SLC68A1: variants seen among roughly 807,000 people sequenced by gnomAD.
The protein encoded by SLC68A1 is solute carrier family 68 member 1.
the SLC68A1 span, chr10:102,476,119 C>G: frequency 1.9e-5 from 25 of 1,330,958 alleles, 1 homozygote; most frequent in Non-Finnish European, 2.3e-5. Flanking sequence ...AAAAATGGAT[C>G]TGTTGCAGTG....
the SLC68A1 span, among the ~76,000 whole-genome samples, chr10:102,475,025 C>A: frequency 1.4e-5 from 1 of 72,822 alleles, no homozygotes. Flanking sequence ...GGTGAGGTGG[C>A]TCACACCTGT....
chr10:102,469,971 C>G, the SLC68A1 span: 2 of 1,611,894 alleles, frequency 1.2e-6, no homozygotes, highest in Non-Finnish European at 1.7e-6. Context: ...AGCCCACCTT[C>G]CTGTCTCCCC....
chr10:102,474,491 C>T, the SLC68A1 span, among the ~76,000 whole-genome samples: 9 of 151,898 alleles, frequency 5.9e-5, no homozygotes, highest in Non-Finnish European at 1.2e-4. Flanking sequence ...AAGGATTTGT[C>T]TAGAAAAGGT....
At chr10:102,471,483 C>T in the SLC68A1 span, 29 of 1,542,666 alleles carry the variant, frequency 1.9e-5, no homozygotes, top group East Asian at 1.8e-4. Context: ...AACTTGGCCA[C>T]GCATGGTGGC....
the SLC68A1 span, chr10:102,473,861 G>A: frequency 6.2e-7 from 1 of 1,613,908 alleles, no homozygotes; most frequent in East Asian, 2.2e-5. Flanking sequence ...TGCTGACCTT[G>A]GTGGTCACTG....
the SLC68A1 span, among the ~76,000 whole-genome samples, chr10:102,474,483 G>C: frequency 7.9e-5 from 12 of 152,030 alleles, no homozygotes; most frequent in Non-Finnish European, 1.8e-4. Flanking sequence ...TGAATGGCAA[G>C]GATTTGTCTA....
chr10:102,473,062 G>C, the SLC68A1 span: 1 of 857,424 alleles, frequency 1.2e-6, no homozygotes, highest in African/African-American at 1.7e-5. Flanking sequence ...TCCCGACCCA[G>C]TGATCCACCT....
chr10:102,476,072 A>AAAT, the SLC68A1 span: 1 of 1,234,878 alleles, frequency 8.1e-7, no homozygotes, highest in Non-Finnish European at 1.0e-6. Flanking sequence ...TAAGGATTTC[A>AAAT]TAGTTTTTTT....
the SLC68A1 span, chr10:102,469,200 A>G: frequency 3.1e-6 from 5 of 1,610,888 alleles, no homozygotes; most frequent in South Asian, 5.5e-5. Context: ...TCGGAGAGGT[A>G]GGGCCAGTGC....
the SLC68A1 span, among the ~76,000 whole-genome samples, chr10:102,472,466 G>A: frequency 6.6e-6 from 1 of 152,134 alleles, no homozygotes; most frequent in East Asian, 1.9e-4. Context: ...GTTTCGCCAT[G>A]TTGGCCATGC....
At chr10:102,474,946 C>T in the SLC68A1 span, among the ~76,000 whole-genome samples, 1 of 151,862 alleles carries the variant, frequency 6.6e-6, no homozygotes, top group Non-Finnish European at 1.5e-5. Flanking sequence ...CCACGCCCGG[C>T]CAGGGAGGGT....
chr10:102,476,042 G>GTGTT, the SLC68A1 span: 1 of 958,160 alleles, frequency 1.0e-6, no homozygotes, highest in Non-Finnish European at 1.3e-6. Context: ...GAAGGAGCCA[G>GTGTT]TTTTTTTTGG....
the SLC68A1 span, among the ~76,000 whole-genome samples, chr10:102,463,832 G>T: frequency 6.6e-6 from 1 of 152,138 alleles, no homozygotes; most frequent in Non-Finnish European, 1.5e-5. Context: ...ACCCTGTATG[G>T]CTGAGGAATA....
chr10:102,475,677 A>G, the SLC68A1 span: 178 of 1,536,204 alleles, frequency 1.2e-4, no homozygotes, highest in Non-Finnish European at 1.4e-4. Context: ...CAAGGCTTGG[A>G]GGACAGTGGG....
the SLC68A1 span, among the ~76,000 whole-genome samples, chr10:102,470,361 C>A: frequency 6.6e-6 from 1 of 152,128 alleles, no homozygotes. Flanking sequence ...TGGAAGATTC[C>A]TTTGCCCCAT....
At chr10:102,475,642 G>A in the SLC68A1 span, 1 of 1,488,876 alleles carries the variant, frequency 6.7e-7, no homozygotes. Flanking sequence ...TGTCTGAGAT[G>A]TCACACCATA....
the SLC68A1 span, chr10:102,471,440 T>C: frequency 6.3e-7 from 1 of 1,595,770 alleles, no homozygotes; most frequent in Non-Finnish European, 8.6e-7. Flanking sequence ...GGGCTGGACT[T>C]CACTCAAGGG....
the SLC68A1 span, chr10:102,477,024 G>C: frequency 1.0e-6 from 1 of 985,540 alleles, no homozygotes. Context: ...ACTGATTAAA[G>C]TCAGCCATTC....
chr10:102,470,930 G>A, the SLC68A1 span: 29 of 1,613,214 alleles, frequency 1.8e-5, no homozygotes, highest in South Asian at 1.3e-4. Context: ...CAGCGCGGCC[G>A]GCTCCCTCTC....
Sources: gnomAD v4.1 joint callset for allele counts (sites outside exome capture counted in the v4.1 genomes callset) on GRCh38, gnomAD v4.1.1 for gene constraint, MANE v1.5 for transcripts, NCBI Gene and HGNC (gene_info 2026-07-23, HGNC 2026-07-21) for gene names.